The following SPAG16 variants were observed in gnomAD, a reference collection of about 807,000 sequenced individuals.
SPAG16 encodes sperm associated antigen 16.
In SPAG16, 86 loss-of-function variants were observed where a neutral mutation model predicts 80.4. The ratio of observed to expected loss-of-function variants is 1.07; its 90% CI spans 0.90 to 1.28. The LOEUF (loss-of-function observed/expected upper bound fraction) is 1.28, where lower values mean the gene tolerates loss of function less well. Ranked by LOEUF, SPAG16 falls within the 50% of genes most tolerant of loss-of-function variation. The pLI, the probability that SPAG16 is intolerant of heterozygous loss-of-function variation, is 0.00. For synonymous variants in SPAG16, 294 were observed against 265.9 expected (o/e 1.11, Z -1.03); for missense variants, 870 against 765.3 (o/e 1.14, Z -1.61).
At chr2:213,522,582 C>CT (rs1343041909) in intron 10 of SPAG16, among the ~76,000 whole-genome samples, 1 of 152,088 alleles carries the variant, frequency 6.6e-6, no homozygotes, top group Non-Finnish European at 1.5e-5. Context: ...TACAAGTTGG[C>CT]TCTCTGTGGC....
Position 213,862,502 on chromosome 2 carries a change from A to T in SPAG16, c.1088A>T (p.His363Leu), listed in dbSNP as rs765954039. The change falls in exon 11 of 16, where the codon CAC becomes CTC. Residue 363 changes from histidine to leucine, a missense_variant. His to Leu is a moderately conservative substitution (Grantham distance 99). Coordinates refer to ENST00000331683, the MANE Select transcript of SPAG16 (RefSeq NM_024532.5). ...TCGCGCAGTGTCTCCATGCAACCCC[A>T]CAAAGACATCCTAGTCTCCTGTGGC... ...LPVSCVSMQP[H>L]KDILVSCGED... 1.2e-6 allele frequency: 2 copies of T among 1,613,886 alleles called. No homozygotes were observed.
intron 15 of SPAG16, among the ~76,000 whole-genome samples, chr2:214,393,181 T>C (rs1025184255): frequency 5.9e-5 from 9 of 152,348 alleles, no homozygotes; most frequent in African/African-American, 9.6e-5. Flanking sequence ...TAATCTCTTT[T>C]CTTGAAATTA....
chr2:214,137,339 T>G (rs1271399530), intron 14 of SPAG16, among the ~76,000 whole-genome samples: 4 of 152,028 alleles, frequency 2.6e-5, no homozygotes, highest in Non-Finnish European at 5.9e-5. Flanking sequence ...TAGTTATATA[T>G]TTATATATGT....
intron 15 of SPAG16, among the ~76,000 whole-genome samples, chr2:214,398,448 C>T (rs527709488): frequency 6.6e-6 from 1 of 152,262 alleles, no homozygotes; most frequent in South Asian, 2.1e-4. Flanking sequence ...CTAAATCATG[C>T]GTGCCTCATT....
At position 213,344,243 on chromosome 2, in the gene SPAG16, T is replaced by G. The variant is rs536825925; in HGVS notation, c.644+3973T>G. Among the ~76,000 whole-genome samples, 3 of 152,264 alleles carry G rather than the reference T, an allele frequency of 2.0e-5. No individual in the cohort carries two copies. In the East Asian group the frequency reaches 5.8e-4, roughly 29 times the overall value. On this transcript the variant is annotated intron_variant, in intron 6 of 15. Transcript: ENST00000331683. Reference sequence around the variant, plus strand: ...TGAGGCTATTTATAACAGTATATAATTGCTATGGTGTTACGGAGTGCTTCC... The same window carrying G: ...TGAGGCTATTTATAACAGTATATAAGTGCTATGGTGTTACGGAGTGCTTCC...
intron 15 of SPAG16, among the ~76,000 whole-genome samples, chr2:214,407,724 T>C (rs1702073088): frequency 1.3e-5 from 2 of 152,138 alleles, no homozygotes; most frequent in Non-Finnish European, 2.9e-5. Flanking sequence ...TGAGAGTACC[T>C]CTTCTCTCTC....
At chr2:213,296,935 A>T (rs1467349374) in intron 2 of SPAG16, 1 of 512,548 alleles carries the variant, frequency 2.0e-6, no homozygotes, top group Admixed American at 4.9e-5. Context: ...GATGGTGGAA[A>T]GCACTTGAGA....
intron 15 of SPAG16, among the ~76,000 whole-genome samples, chr2:214,247,451 A>G (rs1479926918): frequency 6.6e-6 from 1 of 152,140 alleles, no homozygotes; most frequent in East Asian, 1.9e-4. Context: ...CACCTTTACT[A>G]AATATTGTCC....
chr2:213,636,197 T>G (rs2125097682), intron 10 of SPAG16, among the ~76,000 whole-genome samples: 1 of 152,356 alleles, frequency 6.6e-6, no homozygotes, highest in African/African-American at 2.4e-5. Flanking sequence ...TACCATTTGT[T>G]GAATAGGGTG....
intron 12 of SPAG16, among the ~76,000 whole-genome samples, chr2:214,005,227 A>G (rs756526733): frequency 3.2e-4 from 49 of 152,024 alleles, no homozygotes; most frequent in Non-Finnish European, 8.8e-5. Context: ...CTGCACCCAT[A>G]TTCTTTGCGA....
At chr2:213,932,827 C>G (rs907123) in intron 12 of SPAG16, among the ~76,000 whole-genome samples, 143,223 of 152,206 alleles carry the variant, frequency 0.94, 68,021 homozygotes, top group East Asian at 1. Context: ...ATCTATGACA[C>G]TCAGTCTGAA....
intron 15 of SPAG16, among the ~76,000 whole-genome samples, chr2:214,210,380 A>G (rs1015579646): frequency 5.9e-5 from 9 of 152,280 alleles, no homozygotes; most frequent in South Asian, 4.1e-4. Flanking sequence ...AAGAAAAAAT[A>G]AAAGGTATGT....
At chr2:213,639,170 T>C (rs1227451490) in intron 10 of SPAG16, among the ~76,000 whole-genome samples, 1 of 152,216 alleles carries the variant, frequency 6.6e-6, no homozygotes, top group African/African-American at 2.4e-5. Context: ...CAGAGGATAC[T>C]TGATTGGTGA....
intron 14 of SPAG16, among the ~76,000 whole-genome samples, chr2:214,145,283 A>G (rs2055582862): frequency 6.6e-6 from 1 of 152,086 alleles, no homozygotes; most frequent in African/African-American, 2.4e-5. Context: ...CAGTTGCCTC[A>G]AGCAGTTTTC....
intron 14 of SPAG16, among the ~76,000 whole-genome samples, chr2:214,112,416 A>C (rs1201114604): frequency 6.6e-6 from 1 of 152,036 alleles, no homozygotes; most frequent in African/African-American, 2.4e-5. Context: ...TGGGGTGTTA[A>C]AGTCTCCCAT....
At chr2:213,907,778 A>G (rs1375912554) in intron 11 of SPAG16, among the ~76,000 whole-genome samples, 1 of 152,214 alleles carries the variant, frequency 6.6e-6, no homozygotes, top group Non-Finnish European at 1.5e-5. Flanking sequence ...AGGCACAGAA[A>G]GACAAATGGT....
At chr2:213,715,257 T>TATCTATCTA (rs2066186961) in intron 10 of SPAG16, among the ~76,000 whole-genome samples, 2 of 151,012 alleles carry the variant, frequency 1.3e-5, no homozygotes, top group Non-Finnish European at 3.0e-5. Context: ...TCTATCTATC[T>TATCTATCTA]ATCTATCTAT....
At chr2:213,758,860 A>T (rs1324824516) in intron 10 of SPAG16, among the ~76,000 whole-genome samples, 2 of 152,220 alleles carry the variant, frequency 1.3e-5, no homozygotes, top group Non-Finnish European at 2.9e-5. Context: ...ACTGAAATAC[A>T]TTATAATCAA....
intron 10 of SPAG16, among the ~76,000 whole-genome samples, chr2:213,618,110 G>A (rs1427724542): frequency 3.9e-5 from 6 of 152,166 alleles, no homozygotes; most frequent in Admixed American, 3.9e-4. Flanking sequence ...ACTTAGGATA[G>A]TTAGCTGATT....
Sources: allele counts gnomAD v4.1 joint callset (sites outside exome capture counted in the v4.1 genomes callset), GRCh38; gene constraint gnomAD v4.1.1; transcripts MANE v1.5; gene names NCBI Gene and HGNC (gene_info 2026-07-23, HGNC 2026-07-21).